Variants in KLHL3 observed in about 807,000 individuals in gnomAD.
The protein encoded by KLHL3 is kelch-like protein 3.
A neutral mutation model predicts 70.5 loss-of-function variants in KLHL3; 19 were observed. That is an observed-to-expected ratio of 0.27 (90% confidence interval 0.19 to 0.40). The LOEUF (loss-of-function observed/expected upper bound fraction) is 0.40. Among genes scored for constraint, KLHL3 ranks in the 10% least tolerant of loss-of-function variants. The pLI, the probability that KLHL3 is intolerant of heterozygous loss-of-function variation, is 1.00. For missense variants in KLHL3, 512 were observed against 771.1 expected, an observed-to-expected ratio of 0.66 and a Z score of 3.98; for synonymous variants, 258 against 290.3, an observed-to-expected ratio of 0.89 and a Z score of 1.13.
intron 8 of KLHL3, among the ~76,000 whole-genome samples, chr5:137,650,548 G>A (rs146959831): frequency 4.2e-4 from 64 of 152,266 alleles, no homozygotes; most frequent in African/African-American, 1.4e-3. Flanking sequence ...GGCAAGGCAC[G>A]GTGGCTCATG....
intron 2 of KLHL3, among the ~76,000 whole-genome samples, chr5:137,714,891 A>AT (rs1368016550): frequency 1.3e-5 from 2 of 152,262 alleles, no homozygotes; most frequent in Non-Finnish European, 2.9e-5. Context: ...TCAAAAAAAA[A>AT]GATGAGAGCA....
Position 137,692,819 on chromosome 5 carries a change from TACACACACACACACAC to T in KLHL3, c.364-388_364-373del, listed in dbSNP as rs3045645. ...AACCACACTTTGAGTAACAAAACTC[TACACACACACACACAC>T]ACACACACACACACACACAATGGTT... On this transcript the variant is annotated intron_variant, in intron 4 of 14. Coordinates refer to ENST00000309755, the MANE Select transcript of KLHL3 (RefSeq NM_017415.3). The T allele has an allele frequency of 1.7e-3, 292 of 168,280 alleles. 5 individuals are homozygous for T. Among genetic ancestry groups the T allele is most frequent in the Middle Eastern group, 2.5e-3 (1 of 404 alleles). The allele number at this position is 168,280 out of a possible 1,614,324, so 10.4% of individuals were successfully genotyped here.
intron 2 of KLHL3, among the ~76,000 whole-genome samples, chr5:137,710,583 T>C (rs2149929799): frequency 6.6e-6 from 1 of 152,290 alleles, no homozygotes; most frequent in South Asian, 2.1e-4. Flanking sequence ...AATAAATAAA[T>C]TAATGAATGA....
At chr5:137,702,047 T>C (rs1453762744) in intron 3 of KLHL3, among the ~76,000 whole-genome samples, 8 of 152,222 alleles carry the variant, frequency 5.3e-5, no homozygotes, top group Non-Finnish European at 1.5e-5. Context: ...TGTGTCCTCA[T>C]GTGTCAAGCA....
chr5:137,735,546 A>G (rs1753247776), intron 1 of KLHL3, 87 bp downstream of exon 1: 15 of 1,045,188 alleles, frequency 1.4e-5, no homozygotes, highest in Non-Finnish European at 2.1e-5. Flanking sequence ...TGCCTAGCCA[A>G]TGCAAACACA....
At chr5:137,669,247 G>T (rs972497726) in intron 6 of KLHL3, among the ~76,000 whole-genome samples, 1 of 151,992 alleles carries the variant, frequency 6.6e-6, no homozygotes, top group African/African-American at 2.4e-5. Context: ...CTATATATTT[G>T]TGCATATATT....
intron 14 of KLHL3, among the ~76,000 whole-genome samples, chr5:137,623,935 A>G (rs916394638): frequency 6.6e-6 from 1 of 152,216 alleles, no homozygotes; most frequent in African/African-American, 2.4e-5. Context: ...GCAGCTATTC[A>G]ACCCCCACTC....
Position 137,634,018 on chromosome 5 carries a change from C to G in KLHL3, c.1450+19G>C. ...GTGAGCAAATCAGACACAGCCAGCA[C>G]CCCGAGGTTCTCCCATACCTGCGCC... On this transcript the variant is annotated intron_variant, in intron 12 of 14. Coordinates refer to ENST00000309755, the MANE Select transcript of KLHL3 (RefSeq NM_017415.3). 1 of 1,614,044 alleles carries G rather than the reference C, an allele frequency of 6.2e-7. No homozygotes were observed. The highest frequency in any genetic ancestry group is 1.1e-5 in the South Asian group (1 of 91,082).
At chr5:137,670,227 C>T (rs916861) in intron 6 of KLHL3, among the ~76,000 whole-genome samples, 29,782 of 152,000 alleles carry the variant, frequency 0.2, 3,170 homozygotes, top group African/African-American at 0.27. Flanking sequence ...ATATCTAATA[C>T]AAAAACTGTT....
intron 1 of KLHL3, among the ~76,000 whole-genome samples, chr5:137,727,028 C>T (rs1298265997): frequency 2.0e-5 from 3 of 152,138 alleles, no homozygotes; most frequent in Non-Finnish European, 2.9e-5. Flanking sequence ...CTCTAAATTA[C>T]AGATCCACAT....
intron 1 of KLHL3, among the ~76,000 whole-genome samples, chr5:137,726,970 C>T (rs1753094762): frequency 6.6e-6 from 1 of 152,102 alleles, no homozygotes; most frequent in South Asian, 2.1e-4. Context: ...ATTAGGCCCT[C>T]TTTTAGCACA....
chr5:137,627,488 C>CCCCCCG (rs58918247), intron 13 of KLHL3, among the ~76,000 whole-genome samples: 1 of 92,398 alleles, frequency 1.1e-5, no homozygotes, highest in African/African-American at 3.8e-5. Flanking sequence ...CCCCCCCCCC[C>CCCCCCG]GGTTTACACT....
At chr5:137,674,312 G>C (rs1337967087) in intron 6 of KLHL3, among the ~76,000 whole-genome samples, 1 of 152,090 alleles carries the variant, frequency 6.6e-6, no homozygotes, top group Non-Finnish European at 1.5e-5. Flanking sequence ...CAAAATTCCT[G>C]TCTATCTACT....
chr5:137,647,384 A>G (rs1470593000), intron 8 of KLHL3, among the ~76,000 whole-genome samples: 2 of 152,188 alleles, frequency 1.3e-5, no homozygotes, highest in Non-Finnish European at 2.9e-5. Flanking sequence ...ACAATCCATG[A>G]AGAGAATAGA....
rs151258418 is a variant in KLHL3, at chr5:137,692,032, A to C, written c.526+253T>G. Reference sequence around the variant, plus strand: ...CTCAGTTTGCTCTCCCCACTCCCCAAATCTTCTTGGATCTCCTTCCTCTAC... The same window carrying C: ...CTCAGTTTGCTCTCCCCACTCCCCACATCTTCTTGGATCTCCTTCCTCTAC... On this transcript the variant is annotated intron_variant, in intron 5 of 14. Transcript: ENST00000309755. Among the ~76,000 whole-genome samples, 1,322 of 152,206 alleles carry C rather than the reference A, an allele frequency of 8.7e-3. 22 individuals are homozygous for C. Among genetic ancestry groups the C allele is most frequent in the African/African-American group, 0.03 (1,249 of 41,512 alleles).
At chr5:137,679,690 T>A (rs368032054) in intron 5 of KLHL3, among the ~76,000 whole-genome samples, 10 of 152,170 alleles carry the variant, frequency 6.6e-5, no homozygotes, top group African/African-American at 2.4e-4. Context: ...GCACCCCACC[T>A]CCATCTCTCT....
At chr5:137,682,680 T>C (rs111305755) in intron 5 of KLHL3, among the ~76,000 whole-genome samples, 2 of 152,302 alleles carry the variant, frequency 1.3e-5, no homozygotes, top group East Asian at 3.9e-4. Context: ...CACCCTGCTT[T>C]ATTACATGAA....
chr5:137,669,494 A>ATC lies in KLHL3; in HGVS notation c.637-7464_637-7463insGA, dbSNP rs1362583106. 5.2e-3 allele frequency among the ~76,000 whole-genome samples: 789 copies of ATC among 152,336 alleles called. 5 individuals are homozygous for ATC. Among genetic ancestry groups the ATC allele is most frequent in the Non-Finnish European group, 9.3e-3 (630 of 68,008 alleles). On this transcript the variant is annotated intron_variant, in intron 6 of 14. Transcript: ENST00000309755. ...ATAACCAAAAATGATGAAAAAATTA[A>ATC]AACGGTAACATCACTTGGCCTGGAA... is the stretch of plus-strand genomic sequence containing the variant.
At chr5:137,659,629 G>A (rs540630613) in intron 7 of KLHL3, among the ~76,000 whole-genome samples, 49 of 152,292 alleles carry the variant, frequency 3.2e-4, no homozygotes, top group Non-Finnish European at 5.9e-4. Flanking sequence ...GAAGGAAGGA[G>A]AAATGCATGA....
Sources: gnomAD v4.1 joint callset for allele counts (sites outside exome capture counted in the v4.1 genomes callset) on GRCh38, gnomAD v4.1.1 for gene constraint, MANE v1.5 for transcripts, NCBI Gene and HGNC (gene_info 2026-07-23, HGNC 2026-07-21) for gene names.